NUP37: variants seen among roughly 807,000 people sequenced by gnomAD.
NUP37 encodes nucleoporin 37.
Under a neutral mutation model 45.4 loss-of-function variants are expected in NUP37, and 33 were observed. The observed-to-expected ratio is 0.73, with a 90% CI of 0.55 to 0.97. NUP37 has a LOEUF of 0.97. NUP37 is among the 50% of genes least tolerant of loss of function. NUP37 has a pLI of 0.00. For synonymous variants in NUP37, 127 were observed against 130.7 expected, an observed-to-expected ratio of 0.97 and a Z score of 0.19; for missense variants, 365 against 389.7, an observed-to-expected ratio of 0.94 and a Z score of 0.53.
At chr12:102,112,734 A>C (rs943336102) in intron 2 of NUP37, among the ~76,000 whole-genome samples, 10 of 152,208 alleles carry the variant, frequency 6.6e-5, no homozygotes, top group Non-Finnish European at 1.3e-4. Flanking sequence ...CAATATTAAA[A>C]AAATACACTG....
intron 6 of NUP37, among the ~76,000 whole-genome samples, chr12:102,084,438 G>A (rs1879412610): frequency 6.6e-6 from 1 of 151,828 alleles, no homozygotes; most frequent in African/African-American, 2.4e-5. Flanking sequence ...TTGAGACAAG[G>A]AGTTTGAAAC....
chr12:102,094,715 G>A (rs1386901574), intron 5 of NUP37, among the ~76,000 whole-genome samples: 2 of 151,932 alleles, frequency 1.3e-5, no homozygotes, highest in Non-Finnish European at 2.9e-5. Flanking sequence ...TTTATACAGT[G>A]ATTTGGTTAC....
At chr12:102,077,294 G>C (rs1594382908) in intron 7 of NUP37, 28 bp downstream of exon 7, 2 of 1,610,086 alleles carry the variant, frequency 1.2e-6, no homozygotes, top group East Asian at 4.5e-5. Context: ...TTTTTGGTGT[G>C]TAATAGACAA....
intron 5 of NUP37, among the ~76,000 whole-genome samples, chr12:102,087,142 T>C (rs1417622586): frequency 1.3e-5 from 2 of 152,096 alleles, no homozygotes; most frequent in African/African-American, 4.8e-5. Flanking sequence ...ACTGAATTCA[T>C]TCATTGGAAT....
chr12:102,088,709 T>G (rs201252968), intron 5 of NUP37, among the ~76,000 whole-genome samples: 1 of 141,052 alleles, frequency 7.1e-6, no homozygotes, highest in Non-Finnish European at 1.5e-5. Flanking sequence ...TTTAATTTTT[T>G]TTTTTTTTTT....
chr12:102,086,917 C>G (rs755675214), intron 5 of NUP37, among the ~76,000 whole-genome samples: 3 of 152,190 alleles, frequency 2.0e-5, no homozygotes, highest in Non-Finnish European at 4.4e-5. Context: ...AACTTCGTCT[C>G]TACAAAACAC....
intron 6 of NUP37, 31 bp from the exon 7 acceptor site, chr12:102,077,534 A>G (rs775884249): frequency 6.3e-7 from 1 of 1,582,336 alleles, no homozygotes; most frequent in East Asian, 2.2e-5. Flanking sequence ...AAGAAACTCA[A>G]TCACTTATCT....
At chr12:102,098,639 C>T (rs1244220357) in intron 5 of NUP37, among the ~76,000 whole-genome samples, 1 of 151,752 alleles carries the variant, frequency 6.6e-6, no homozygotes, top group Non-Finnish European at 1.5e-5. Context: ...TCAAGCGATT[C>T]CCTTGCCTCA....
At chr12:102,077,610 T>C (rs1056328591) in intron 6 of NUP37, 107 bp from the exon 7 acceptor site, 4 of 1,113,222 alleles carry the variant, frequency 3.6e-6, no homozygotes, top group Non-Finnish European at 5.0e-6. Context: ...ACATTTGCAA[T>C]ATACAGGTTC....
intron 3 of NUP37, among the ~76,000 whole-genome samples, chr12:102,108,519 T>G (rs1880222036): frequency 6.6e-6 from 1 of 152,202 alleles, no homozygotes; most frequent in African/African-American, 2.4e-5. Context: ...CATCTTGTGA[T>G]CGTGTGAGTC....
intron 5 of NUP37, among the ~76,000 whole-genome samples, chr12:102,092,814 T>C (rs547699277): frequency 1.3e-5 from 2 of 152,214 alleles, no homozygotes; most frequent in African/African-American, 4.8e-5. Context: ...CTTTGAGAGC[T>C]AGGCAAAAGC....
intron 3 of NUP37, among the ~76,000 whole-genome samples, chr12:102,111,600 T>C (rs1001268177): frequency 1.3e-5 from 2 of 152,222 alleles, no homozygotes; most frequent in Non-Finnish European, 2.9e-5. Flanking sequence ...TTCTTGCCCC[T>C]GTAAAGAGGG....
chr12:102,116,858 T>C (rs1594403601), intron 2 of NUP37, among the ~76,000 whole-genome samples: 1 of 152,048 alleles, frequency 6.6e-6, no homozygotes, highest in Non-Finnish European at 1.5e-5. Flanking sequence ...AAAAGTTAGC[T>C]GGGCATGGTG....
intron 5 of NUP37, among the ~76,000 whole-genome samples, chr12:102,093,259 T>C (rs958126970): frequency 6.6e-6 from 1 of 152,068 alleles, no homozygotes; most frequent in Non-Finnish European, 1.5e-5. Context: ...CATGAAGCTT[T>C]GGGGAGGATA....
intron 5 of NUP37, among the ~76,000 whole-genome samples, chr12:102,088,209 T>C (rs1329607437): frequency 1.3e-5 from 2 of 152,324 alleles, no homozygotes; most frequent in East Asian, 3.8e-4. Context: ...TTAAGTCTTA[T>C]TTTCCTTTTT....
intron 3 of NUP37, among the ~76,000 whole-genome samples, chr12:102,106,283 GC>G (rs545500284): frequency 3.3e-5 from 5 of 152,194 alleles, no homozygotes; most frequent in Non-Finnish European, 7.3e-5. Context: ...GTTTGTTATG[GC>G]AACAGTGGGA....
At chr12:102,107,758 T>C (rs1880195415) in intron 3 of NUP37, among the ~76,000 whole-genome samples, 2 of 152,136 alleles carry the variant, frequency 1.3e-5, no homozygotes, top group Non-Finnish European at 2.9e-5. Context: ...AAAAAATACA[T>C]ATAGTATTAT....
intron 6 of NUP37, among the ~76,000 whole-genome samples, chr12:102,079,841 A>C (rs1879281419): frequency 6.6e-6 from 1 of 152,184 alleles, no homozygotes; most frequent in Non-Finnish European, 1.5e-5. Context: ...CTAAAATAAG[A>C]AGCCAGAGTT....
chr12:102,079,926 A>G (rs1594384258), intron 6 of NUP37, among the ~76,000 whole-genome samples: 2 of 152,212 alleles, frequency 1.3e-5, no homozygotes, highest in Admixed American at 1.3e-4. Context: ...CTCCCTGCGT[A>G]TGTCTGTGAC....
Sources: gnomAD v4.1 joint callset for allele counts (sites outside exome capture counted in the v4.1 genomes callset) on GRCh38, gnomAD v4.1.1 for gene constraint, MANE v1.5 for transcripts, NCBI Gene and HGNC (gene_info 2026-07-23, HGNC 2026-07-21) for gene names.